MYH7: variants seen among roughly 807,000 people sequenced by gnomAD.
The protein encoded by MYH7 is myosin heavy chain 7.
Under a neutral mutation model 225.4 loss-of-function variants are expected in MYH7, and 129 were observed. The observed-to-expected ratio is 0.57, with a 90% CI of 0.50 to 0.66. The LOEUF is 0.66. MYH7 is among the 30% of genes least tolerant of loss of function. The pLI is 0.00. For synonymous variants in MYH7, 971 were observed against 1,007.6 expected (o/e 0.96, Z 0.69); for missense variants, 1,649 against 2,517.0 (o/e 0.66, Z 7.38).
In MYH7 at chr14:23,426,883, T is replaced by C. The variant is rs750160857; in HGVS notation, c.1957-19A>G. ...GATTTTCCTGTGGCCAAAAATGCAA[T>C]AGAGAAAAGTAAAGAAAATGCCAGA... On this transcript the variant is annotated intron_variant, in intron 17 of 39. Transcript: ENST00000355349. The C allele has an allele frequency of 2.5e-6, 4 of 1,602,472 alleles. No individual in the cohort carries two copies. Among genetic ancestry groups the C allele is most frequent in the Non-Finnish European group, 3.4e-6 (4 of 1,170,646 alleles).
At chr14:23,424,636 C>A in intron 22 of MYH7, 133 bp downstream of exon 22, 1 of 1,479,792 alleles carries the variant, frequency 6.8e-7, no homozygotes. Context: ...CTTTGGAGGT[C>A]TTTAGAAGTG....
At position 23,426,008 on chromosome 14, in the gene MYH7, C is replaced by T. The variant is rs3181426; in HGVS notation, c.2118G>A (p.Arg706=). ...NGVLEGIRIC[R]KGFPNRILYG... is the part of the protein sequence containing the mutation. ...AGAGGATGCGGTTGGGGAAGCCTTT[C>T]CTGCAGATGCGGATGCCCTCCAGCA... The change falls in exon 19 of 40, where the codon AGG becomes AGA. Residue 706 remains arginine, a synonymous_variant. Transcript: ENST00000355349. 7 of 1,614,216 alleles carry T rather than the reference C, an allele frequency of 4.3e-6. No individual in the cohort carries two copies. The highest frequency in any genetic ancestry group is 5.9e-6 in the Non-Finnish European group (7 of 1,180,046).
In MYH7 at chr14:23,422,296, C is replaced by A; in HGVS notation, c.3129G>T (p.Lys1043Asn). Reference sequence around the variant, plus strand: ...TCGCTCGCTCCAGGTCCATGCGCACCTTCTTCTCTTGCTCCAGGGATCCTT... The same window carrying A: ...TCGCTCGCTCCAGGTCCATGCGCACATTCTTCTCTTGCTCCAGGGATCCTT... ...DLEGSLEQEK[K>N]VRMDLERAKR... The change falls in exon 25 of 40, where the codon AAG becomes AAT. Residue 1043 changes from lysine to asparagine, a missense_variant. By Grantham distance (94) the Lys-to-Asn change is moderately conservative. Transcript: ENST00000355349. 1 of 1,614,222 alleles carries A rather than the reference C, an allele frequency of 6.2e-7. No individual in the cohort carries two copies. Among genetic ancestry groups the A allele is most frequent in the South Asian group, 1.1e-5 (1 of 91,086 alleles).
At chr14:23,427,471 G>A (rs959171164) in intron 16 of MYH7, 114 bp downstream of exon 16, 3 of 1,498,730 alleles carry the variant, frequency 2.0e-6, no homozygotes, top group Non-Finnish European at 2.7e-6. Flanking sequence ...CACTGAGTCT[G>A]TAAACCTTGG....
rs1892501366 is a variant in MYH7, at chr14:23,422,235, C to A, written c.3190G>T (p.Glu1064Ter). 1 of 1,613,954 alleles carries A rather than the reference C, an allele frequency of 6.2e-7. No homozygotes were observed. Among genetic ancestry groups the A allele is most frequent in the Non-Finnish European group, 8.5e-7 (1 of 1,180,000 alleles). The change falls in exon 25 of 40, where the codon GAG becomes TAG. Residue 1064 changes from glutamate to a stop codon, truncating the protein, a stop_gained. Coordinates refer to ENST00000355349, the MANE Select transcript of MYH7 (RefSeq NM_000257.4). LOFTEE classifies it high-confidence loss of function. ...TCATTCTCCAGGTCCATGATGCTCT[C>A]CTGGGTCAGCTTCAGGTCGCCCTCC... is the stretch of plus-strand genomic sequence containing the variant. Reference protein sequence around the residue: ...KLEGDLKLTQESIMDLENDKQ... With the variant: ...KLEGDLKLTQ
intron 29 of MYH7, among the ~76,000 whole-genome samples, chr14:23,418,697 G>T (rs1892336952): frequency 6.6e-6 from 1 of 152,194 alleles, no homozygotes; most frequent in Non-Finnish European, 1.5e-5. Context: ...GGCTCAGAAA[G>T]GTTAGGGGAC....
At chr14:23,423,407 A>G in intron 24 of MYH7, 140 bp downstream of exon 24, 1 of 1,179,980 alleles carries the variant, frequency 8.5e-7, no homozygotes, top group Non-Finnish European at 1.2e-6. Flanking sequence ...AACATCCTCT[A>G]ACCCTACCCC....
Position 23,415,873 on chromosome 14 carries a change from C to G in MYH7, c.4954-41G>C. ...GTGGGCATGAGCAGGGAGCCAGCCT[C>G]GGTTCCCTTCACTAAAGGCACCTGT... is the stretch of plus-strand genomic sequence containing the variant. On this transcript the variant is annotated intron_variant, in intron 34 of 39. Transcript: ENST00000355349. The surrounding 1 kb of genome is among the most constrained non-coding windows in gnomAD (Gnocchi z 6.3). 2 of 1,613,624 alleles carry G rather than the reference C, an allele frequency of 1.2e-6. No homozygotes were observed. Among genetic ancestry groups the G allele is most frequent in the Non-Finnish European group, 1.7e-6 (2 of 1,179,632 alleles).
At position 23,427,623 on chromosome 14, in the gene MYH7, A is replaced by AG. The variant is rs1336513595; in HGVS notation, c.1849dup (p.Leu617ProfsTer12). The AG allele has an allele frequency of 6.2e-7, 1 of 1,614,154 alleles. No homozygotes were observed. Among genetic ancestry groups the AG allele is most frequent in the South Asian group, 1.1e-5 (1 of 91,080 alleles). On this transcript the variant is annotated frameshift_variant, in exon 16 of 40. Transcript: ENST00000355349. LOFTEE classifies it high-confidence loss of function. ...AGCATAGTTGGCAAACAGGGTGCTG[A>AG]GCAGCTTGAGGGAAGACTTCTGATA...
intron 24 of MYH7, 59 bp downstream of exon 24, chr14:23,423,466 CACACACACACACACACACACAG>C (rs1253527809): frequency 6.7e-7 from 1 of 1,490,450 alleles, no homozygotes; most frequent in South Asian, 1.1e-5. Context: ...CACACACACA[CACACACACACACACACACACAG>C]AGCTCTGGGC....
At position 23,418,002 on chromosome 14, in the gene MYH7, C is replaced by A. The variant is rs772133598; in HGVS notation, c.4169+208G>T. ...CGGAAGCACTCTGCCCTCAGACAAA[C>A]CTTTTGTTCGTCTTATATTCGGATC... On this transcript the variant is annotated intron_variant, in intron 30 of 39. Transcript: ENST00000355349. 1.4e-5 allele frequency: 13 copies of A among 960,708 alleles called. No individual in the cohort carries two copies. In the South Asian group the frequency reaches 1.6e-4, roughly 11 times the overall value. 59.5% of individuals were successfully genotyped at this position (960,708 alleles called of 1,614,324 possible). A position where few individuals can be genotyped will look rare whatever the true frequency, so the allele number is the denominator to read the frequency against.
At chr14:23,419,132 A>G in intron 29 of MYH7, 45 bp downstream of exon 29, 1 of 1,504,652 alleles carries the variant, frequency 6.6e-7, no homozygotes, top group Non-Finnish European at 9.3e-7. Flanking sequence ...AAGGCTAGTC[A>G]GTGTGCTCCT....
rs549509054 is a variant in MYH7 at position 23,416,995 on chromosome 14, G to C, written c.4520-3C>G. The stretch of plus-strand genomic sequence containing the variant: ...CTCAGTCAAGTCGGAGATCTCCTCT[G>C]TGTGGGGAACACGGTAACTCGGTTG... On this transcript the variant is annotated splice_region_variant and splice_polypyrimidine_tract_variant and intron_variant, in intron 32 of 39. Coordinates refer to ENST00000355349, the MANE Select transcript of MYH7 (RefSeq NM_000257.4). 1 of 1,614,230 alleles carries C rather than the reference G, an allele frequency of 6.2e-7. No homozygotes were observed. Among genetic ancestry groups the C allele is most frequent in the Non-Finnish European group, 8.5e-7 (1 of 1,180,054 alleles).
intron 39 of MYH7, 65 bp from the exon 40 acceptor site, chr14:23,412,936 G>A (rs1207977312): frequency 2.7e-5 from 42 of 1,536,374 alleles, no homozygotes; most frequent in Non-Finnish European, 3.4e-5. Flanking sequence ...GACAGGGCAT[G>A]GGAACAAAGG....
chr14:23,420,410 G>A (rs1380150136), intron 26 of MYH7, among the ~76,000 whole-genome samples, 176 bp from the exon 27 acceptor site: 1 of 152,254 alleles, frequency 6.6e-6, no homozygotes, highest in African/African-American at 2.4e-5. Flanking sequence ...TTAGGCGAGG[G>A]CCTGACAGTC....
chr14:23,430,503 C>G, intron 11 of MYH7, 57 bp downstream of exon 11: 1 of 1,393,934 alleles, frequency 7.2e-7, no homozygotes, highest in Non-Finnish European at 1.0e-6. Context: ...TTTTGGACCC[C>G]TGTTTGCCCC....
At position 23,433,069 on chromosome 14, in the gene MYH7, A is replaced by G. The variant is rs1370683804; in HGVS notation, c.345+15T>C. ...AGAACAGAGATCCCAACGTAGGGCC[A>G]GGTGCAGCACTCACGTAGATCATCC... On this transcript the variant is annotated intron_variant, in intron 4 of 39. Coordinates refer to ENST00000355349, the MANE Select transcript of MYH7 (RefSeq NM_000257.4). The surrounding 1 kb of genome is among the most constrained non-coding windows in gnomAD (Gnocchi z 4.1). 5 of 1,614,122 alleles carry G rather than the reference A, an allele frequency of 3.1e-6. No individual in the cohort carries two copies. Among genetic ancestry groups the G allele is most frequent in the Non-Finnish European group, 4.2e-6 (5 of 1,180,010 alleles).
In MYH7 at chr14:23,427,305, T is replaced by G. The variant is rs907483085; in HGVS notation, c.1891A>C (p.Ile631Leu). The change falls in exon 17 of 40, where the codon ATT becomes CTT. Residue 631 changes from isoleucine (I) to leucine (L), a missense_variant and splice_region_variant. Ile to Leu is a conservative substitution (Grantham distance 5). This residue lies in a region of MYH7 where 112 missense variants were observed against 161.9 expected (regional missense o/e 0.69). Coordinates refer to ENST00000355349, the MANE Select transcript of MYH7 (RefSeq NM_000257.4). ...TTGGCCTTGCCTTTGCCCTTCTCAA[T>G]AGCTGCAGGAAGGAGAGTCAACAAA... ...FANYAGADAP[I>L]EKGKGKAKKG... 4 of 1,613,894 alleles carry G rather than the reference T, an allele frequency of 2.5e-6. No individual in the cohort carries two copies. The highest frequency in any genetic ancestry group is 1.7e-6 in the Non-Finnish European group (2 of 1,179,982).
chr14:23,427,931 C>T (rs941034034), intron 15 of MYH7, 37 bp from the exon 16 acceptor site: 1 of 1,612,616 alleles, frequency 6.2e-7, no homozygotes, highest in South Asian at 1.1e-5. Flanking sequence ...GAGTGTCCTT[C>T]ACACAGGTGG....
Sources: gnomAD v4.1 joint callset for allele counts (sites outside exome capture counted in the v4.1 genomes callset) on GRCh38, gnomAD v4.1.1 for gene constraint, gnomAD v4.1.1 regional missense constraint, Gnocchi (gnomAD v3.1) non-coding constraint, MANE v1.5 for transcripts, NCBI Gene and HGNC (gene_info 2026-07-23, HGNC 2026-07-21) for gene names.